DNMT3A: variants seen among roughly 807,000 people sequenced by gnomAD.
DNMT3A encodes DNA (cytosine-5)-methyltransferase 3A.
In DNMT3A, 267 loss-of-function variants were observed where a neutral mutation model predicts 117.6. The observed-to-expected ratio is 2.27, with a 90% CI of 2.05 to 2.51. DNMT3A has a LOEUF of 2.51. Among genes scored for constraint, DNMT3A ranks in the 30% most tolerant of loss-of-function variants. The probability of loss-of-function intolerance (pLI) is 0.00; values close to 1 mark genes in which losing one functional copy is unlikely to be tolerated. For missense variants in DNMT3A, 1,029 were observed against 1,260.2 expected, an observed-to-expected ratio of 0.82 and a Z score of 2.78; for synonymous variants, 432 against 474.8, an observed-to-expected ratio of 0.91 and a Z score of 1.17.
intron 1 of DNMT3A, among the ~76,000 whole-genome samples, chr2:25,318,750 T>G (rs1221964666): frequency 6.8e-6 from 1 of 147,936 alleles, no homozygotes; most frequent in Non-Finnish European, 1.5e-5. Context: ...CAGGCTAGAG[T>G]GCAGTGGTGC....
At chr2:25,303,175 C>G (rs1235063353) in intron 2 of DNMT3A, among the ~76,000 whole-genome samples, 3 of 152,216 alleles carry the variant, frequency 2.0e-5, no homozygotes, top group Non-Finnish European at 2.9e-5. Flanking sequence ...AGTCATTTGA[C>G]TTTCTTTTAT....
In DNMT3A at chr2:25,229,190, C is replaced by T. The variant is rs1395986569; in HGVS notation, c.*5089G>A. On this transcript the variant is annotated 3_prime_UTR_variant, in exon 23 of 23. Transcript: ENST00000321117. ...AGACCCTGGCCTGCCTTTACCAAAA[C>T]GTAAAGATTCCAGAGCTCACACTAC... 2 of 152,312 alleles carry T rather than the reference C, an allele frequency of 1.3e-5. No homozygotes were observed. Among genetic ancestry groups the T allele is most frequent in the South Asian group, 2.1e-4 (1 of 4,826 alleles). 9.4% of individuals were successfully genotyped at this position (152,312 alleles called of 1,614,324 possible). A position where few individuals can be genotyped will look rare whatever the true frequency, so the allele number is the denominator to read the frequency against.
chr2:25,246,062 G>GCAC lies in DNMT3A; in HGVS notation c.1431_1432insGTG (p.Glu477_Arg478insVal). ...TTCTGCCGCACCTCGTACACCAGCC[G>GCAC]CTCTGCAAGGGGAGGAGAGCTGGCG... On this transcript the variant is annotated inframe_insertion and splice_region_variant, in exon 12 of 23. Transcript: ENST00000321117. 6.2e-7 allele frequency: 1 copy of GCAC among 1,614,158 alleles called. No individual in the cohort carries two copies. The highest frequency in any genetic ancestry group is 8.5e-7 in the Non-Finnish European group (1 of 1,180,016).
Position 25,307,459 on chromosome 2 carries a change from C to CTTTT in DNMT3A, c.72+6450_72+6453dup, listed in dbSNP as rs35144977. Among the ~76,000 whole-genome samples the CTTTT allele has an allele frequency of 1.7e-3, 133 of 79,084 alleles. 3 individuals carry two copies. Among genetic ancestry groups the CTTTT allele is most frequent in the Non-Finnish European group, 2.3e-3 (94 of 40,208 alleles). 51.9% of individuals were successfully genotyped at this position (79,084 alleles called of 152,430 possible). The stretch of plus-strand genomic sequence containing the variant: ...AGGCATGAGCCACCACACACCGCAG[C>CTTTT]TTTTTTTTTTTTTTTTTTTTTTTGA... On this transcript the variant is annotated intron_variant, in intron 2 of 22. Coordinates refer to ENST00000321117, the MANE Select transcript of DNMT3A (RefSeq NM_022552.5).
At chr2:25,265,600 C>G (rs2030254306) in intron 6 of DNMT3A, among the ~76,000 whole-genome samples, 1 of 152,114 alleles carries the variant, frequency 6.6e-6, no homozygotes, top group Non-Finnish European at 1.5e-5. Context: ...GGTGGATCAC[C>G]TGAGGTCAGG....
intron 6 of DNMT3A, among the ~76,000 whole-genome samples, chr2:25,274,561 C>T (rs111593750): frequency 1.3e-3 from 203 of 152,354 alleles, no homozygotes; most frequent in African/African-American, 4.6e-3. Flanking sequence ...CTCACAGAGC[C>T]AGCTCTTCGG....
At chr2:25,301,379 C>G (rs2033505850) in intron 2 of DNMT3A, among the ~76,000 whole-genome samples, 1 of 152,186 alleles carries the variant, frequency 6.6e-6, no homozygotes, top group South Asian at 2.1e-4. Flanking sequence ...ACTTGTACAG[C>G]TGTGAACACC....
In DNMT3A at chr2:25,247,477, T is replaced by G; in HGVS notation, c.1014+114A>C. On this transcript the variant is annotated intron_variant, in intron 8 of 22. Coordinates refer to ENST00000321117, the MANE Select transcript of DNMT3A (RefSeq NM_022552.5). This position sits in a 1 kb window ranked among gnomAD's most constrained non-coding sequence, Gnocchi z 5.6. The stretch of plus-strand genomic sequence containing the variant: ...CCACCCACCACAGGCAGAGTAGGGG[T>G]GAGCAGAACCCACTTCCATCACCCC... The G allele has an allele frequency of 6.8e-7, 1 of 1,476,064 alleles. No homozygotes were observed. The highest frequency in any genetic ancestry group is 2.0e-5 in the Admixed American group (1 of 50,008). The allele number at this position is 1,476,064 out of a possible 1,614,324, so 91.4% of individuals were successfully genotyped here. A position where few individuals can be genotyped will look rare whatever the true frequency, so the allele number is the denominator to read the frequency against.
intron 22 of DNMT3A, 97 bp downstream of exon 22, chr2:25,235,610 G>T: frequency 1.0e-6 from 1 of 968,586 alleles, no homozygotes; most frequent in Non-Finnish European, 1.6e-6. Context: ...GGACGTTTGT[G>T]GAAAACAAGT....
chr2:25,329,728 AAC>A (rs202120103), intron 1 of DNMT3A, among the ~76,000 whole-genome samples: 1,718 of 148,710 alleles, frequency 0.012, 30 homozygotes, highest in African/African-American at 0.04. Flanking sequence ...CACAGATACA[AAC>A]ACACATAGAT....
chr2:25,329,384 C>T (rs2034922067), intron 1 of DNMT3A, among the ~76,000 whole-genome samples: 1 of 152,098 alleles, frequency 6.6e-6, no homozygotes, highest in Non-Finnish European at 1.5e-5. Context: ...AACATAGGGC[C>T]TGGCACGTGG....
chr2:25,275,195 G>T, intron 5 of DNMT3A, 108 bp from the exon 6 acceptor site: 2 of 1,411,336 alleles, frequency 1.4e-6, no homozygotes, highest in Non-Finnish European at 1.9e-6. Flanking sequence ...GCCAGAGAGG[G>T]CACCCCTGGG....
intron 1 of DNMT3A, among the ~76,000 whole-genome samples, chr2:25,332,245 C>G (rs1042388679): frequency 3.3e-5 from 5 of 152,180 alleles, no homozygotes; most frequent in African/African-American, 1.2e-4. Flanking sequence ...CTTCGTATCC[C>G]ATCGTTCCCT....
At chr2:25,309,003 A>ACACG (rs1245906995) in intron 2 of DNMT3A, among the ~76,000 whole-genome samples, 1 of 151,708 alleles carries the variant, frequency 6.6e-6, no homozygotes, top group African/African-American at 2.4e-5. Flanking sequence ...ACACACACGC[A>ACACG]CGCACATGTG....
intron 3 of DNMT3A, among the ~76,000 whole-genome samples, chr2:25,295,229 C>T (rs1178500007): frequency 6.6e-6 from 1 of 152,222 alleles, no homozygotes; most frequent in Non-Finnish European, 1.5e-5. Context: ...CCACCTCACA[C>T]CCACACACGG....
intron 3 of DNMT3A, among the ~76,000 whole-genome samples, chr2:25,297,288 T>C (rs528700181): frequency 1.3e-5 from 2 of 152,174 alleles, no homozygotes; most frequent in African/African-American, 4.8e-5. Flanking sequence ...ACCATGCTCC[T>C]CCTCACCCTG....
intron 2 of DNMT3A, among the ~76,000 whole-genome samples, chr2:25,303,935 T>A (rs1251556619): frequency 6.6e-6 from 1 of 152,228 alleles, no homozygotes; most frequent in Admixed American, 6.5e-5. Flanking sequence ...TTATTCCATA[T>A]CTTTGCTGAT....
In DNMT3A at chr2:25,294,295, C is replaced by T. The variant is rs577440244; in HGVS notation, c.177+5844G>A. ...CTCCAGTAGCGGGCGTTGATTTCAC[C>T]GCTCAGGTCGGGGAGTGGGTGGGTG... is the stretch of plus-strand genomic sequence containing the variant. On this transcript the variant is annotated intron_variant, in intron 3 of 22. Transcript: ENST00000321117. This position sits in a 1 kb window ranked among gnomAD's most constrained non-coding sequence, Gnocchi z 4.7. Among the ~76,000 whole-genome samples the T allele has an allele frequency of 1.3e-5, 2 of 152,298 alleles. No individual in the cohort carries two copies. The highest frequency in any genetic ancestry group is 2.1e-4 in the South Asian group (1 of 4,824).
chr2:25,251,334 G>A (rs1485070161), intron 6 of DNMT3A, among the ~76,000 whole-genome samples: 1 of 151,990 alleles, frequency 6.6e-6, no homozygotes, highest in Non-Finnish European at 1.5e-5. Context: ...GTGAACTCGA[G>A]GCTCTCGCAT....
Sources: gnomAD v4.1 joint callset for allele counts (sites outside exome capture counted in the v4.1 genomes callset) on GRCh38, gnomAD v4.1.1 for gene constraint, Gnocchi (gnomAD v3.1) non-coding constraint, MANE v1.5 for transcripts, NCBI Gene and HGNC (gene_info 2026-07-23, HGNC 2026-07-21) for gene names.